The following TLR2 variants were observed in gnomAD, a reference collection of about 807,000 sequenced individuals.
TLR2 encodes toll-like receptor 2.
A neutral mutation model predicts 9.1 loss-of-function variants in TLR2; 7 were observed. The observed-to-expected ratio is 0.77, with a 90% CI of 0.44 to 1.44. The LOEUF (loss-of-function observed/expected upper bound fraction) is 1.44, where lower values mean the gene tolerates loss of function less well. TLR2 is among the 40% of genes most tolerant of loss of function. The pLI is 0.01. For synonymous variants in TLR2, 317 were observed against 344.6 expected (o/e 0.92, Z 0.89); for missense variants, 812 against 904.6 (o/e 0.90, Z 1.31).
At chr4:153,699,616 A>C (rs1736743208) in intron 2 of TLR2, among the ~76,000 whole-genome samples, 2 of 152,204 alleles carry the variant, frequency 1.3e-5, no homozygotes, top group Non-Finnish European at 2.9e-5. Context: ...GTTGGTTTGT[A>C]GTGGGGCAGG....
downstream of TLR2, among the ~76,000 whole-genome samples, chr4:153,708,394 A>G (rs1737399229): frequency 1.3e-5 from 2 of 152,236 alleles, no homozygotes; most frequent in Non-Finnish European, 2.9e-5. Flanking sequence ...ATAGACTATA[A>G]GCTCAAGAAT....
At chr4:153,693,410 T>G (rs2127029685) in intron 2 of TLR2, among the ~76,000 whole-genome samples, 1 of 152,310 alleles carries the variant, frequency 6.6e-6, no homozygotes, top group Non-Finnish European at 1.5e-5. Flanking sequence ...ACGGGGTATA[T>G]TCTAACAGGG....
intron 1 of TLR2, among the ~76,000 whole-genome samples, chr4:153,684,952 C>T (rs912419951): frequency 2.0e-5 from 3 of 152,316 alleles, no homozygotes; most frequent in Admixed American, 1.3e-4. Flanking sequence ...AGGCTTTCAA[C>T]GAGCTAGCGT....
At chr4:153,696,413 T>C (rs978335544) in intron 2 of TLR2, among the ~76,000 whole-genome samples, 1 of 152,198 alleles carries the variant, frequency 6.6e-6, no homozygotes, top group African/African-American at 2.4e-5. Flanking sequence ...TGTAGAGATC[T>C]TTTACTCCTT....
In TLR2 at chr4:153,703,834, G is replaced by A. The variant is rs370928242; in HGVS notation, c.927G>A (p.Val309=). Residue 309 remains valine, a synonymous_variant, in exon 3 of 3, where the codon GTG becomes GTA. Transcript: ENST00000642700. ...DNDRVIDPGK[V]ETLTIRRLHI... is the part of the protein sequence containing the mutation. ...ACAGAGTTATAGATCCAGGTAAAGT[G>A]GAAACGTTAACAATCCGGAGGCTGC... The A allele has an allele frequency of 1.7e-4, 273 of 1,613,852 alleles. 1 individual carries two copies. Among genetic ancestry groups the A allele is most frequent in the Admixed American group, 2.8e-4 (17 of 59,988 alleles).
intron 1 of TLR2, among the ~76,000 whole-genome samples, 198 bp downstream of exon 1, chr4:153,684,558 C>G (rs926138682): frequency 1.3e-5 from 2 of 152,338 alleles, no homozygotes; most frequent in East Asian, 1.9e-4. Context: ...GCCGGTGCTT[C>G]TTTGCACGGC....
At chr4:153,690,200 G>C (rs2127019163) in intron 2 of TLR2, among the ~76,000 whole-genome samples, 1 of 152,324 alleles carries the variant, frequency 6.6e-6, no homozygotes, top group South Asian at 2.1e-4. Context: ...GCTGCTGATA[G>C]CATCTGGCCT....
At chr4:153,710,610 T>C (rs1368552997), downstream of TLR2, 2 of 961,504 alleles carry the variant, frequency 2.1e-6, no homozygotes, top group East Asian at 2.7e-5. Flanking sequence ...GTTAATTCTA[T>C]GTGCTCAATT....
chr4:153,710,247 G>C, downstream of TLR2: 1 of 727,232 alleles, frequency 1.4e-6, no homozygotes, highest in Non-Finnish European at 2.1e-6. Flanking sequence ...CAAATTGCTT[G>C]ACAACAAAGT....
chr4:153,698,036 G>A (rs149693128), intron 2 of TLR2, among the ~76,000 whole-genome samples: 6 of 152,056 alleles, frequency 3.9e-5, no homozygotes, highest in African/African-American at 1.4e-4. Flanking sequence ...GGTACTTTCC[G>A]GAACACTGTG....
chr4:153,691,780 T>C lies in TLR2; in HGVS notation c.-17+3733T>C, dbSNP rs1251585267. Among the ~76,000 whole-genome samples, 3 of 152,196 alleles carry C rather than the reference T, an allele frequency of 2.0e-5. 1 individual carries two copies. In the East Asian group the frequency reaches 5.8e-4, roughly 29 times the overall value. ...TTGAAAGTCATTTAATGTTTTCAAT[T>C]GATCCCTACGTATAGTTACTTTCTG... is the stretch of plus-strand genomic sequence containing the variant. On this transcript the variant is annotated intron_variant, in intron 2 of 2. Coordinates refer to ENST00000642700, the MANE Select transcript of TLR2 (RefSeq NM_001318789.2).
chr4:153,694,449 C>T (rs1736347500), intron 2 of TLR2, among the ~76,000 whole-genome samples: 2 of 152,198 alleles, frequency 1.3e-5, no homozygotes, highest in Admixed American at 1.3e-4. Flanking sequence ...AGAAAAGCTG[C>T]TTAAGGCAAA....
At chr4:153,702,714 T>A (rs1027804433) in intron 2 of TLR2, 178 bp from the exon 3 acceptor site, 4 of 608,348 alleles carry the variant, frequency 6.6e-6, no homozygotes, top group Non-Finnish European at 1.1e-5. Flanking sequence ...TTCATTTTTT[T>A]ATCCCCATTC....
chr4:153,689,399 G>T (rs956893384), intron 2 of TLR2, among the ~76,000 whole-genome samples: 1 of 152,200 alleles, frequency 6.6e-6, no homozygotes, highest in African/African-American at 2.4e-5. Context: ...GCTAAACATA[G>T]TGTGGCCATG....
rs1031407701 is a variant in TLR2, at chr4:153,705,245, G to T, written c.2338G>T (p.Ala780Ser). ...QREGFWVNLRAAIKS is the reference protein window; with the variant it reads ...QREGFWVNLRSAIKS ...GGAAGGATTTTGGGTAAATCTGAGAGCTGCGATAAAGTCCTAGGTTCCCAT... is the reference window on the plus strand; with the variant it reads ...GGAAGGATTTTGGGTAAATCTGAGATCTGCGATAAAGTCCTAGGTTCCCAT... The change falls in exon 3 of 3, where the codon GCT (alanine) becomes TCT (serine). Residue 780 changes from alanine to serine, a missense_variant. Coordinates refer to ENST00000642700, the MANE Select transcript of TLR2 (RefSeq NM_001318789.2). 3.8e-6 allele frequency: 6 copies of T among 1,587,848 alleles called. No individual in the cohort carries two copies. In the African/African-American group the frequency reaches 6.8e-5, roughly 18 times the overall value.
At chr4:153,701,034 ATATCTT>A (rs1172888459) in intron 2 of TLR2, among the ~76,000 whole-genome samples, 1 of 152,220 alleles carries the variant, frequency 6.6e-6, no homozygotes, top group Non-Finnish European at 1.5e-5. Context: ...AACAAAGAGA[ATATCTT>A]TATGAAAATA....
chr4:153,689,069 T>C (rs1397616059), intron 2 of TLR2, among the ~76,000 whole-genome samples: 1 of 152,236 alleles, frequency 6.6e-6, no homozygotes, highest in Non-Finnish European at 1.5e-5. Flanking sequence ...TCACTGCTAA[T>C]CTGTCTGCAG....
At chr4:153,696,175 G>A (rs1386189025) in intron 2 of TLR2, among the ~76,000 whole-genome samples, 1 of 152,028 alleles carries the variant, frequency 6.6e-6, no homozygotes, top group African/African-American at 2.4e-5. Context: ...GTGGTTTCAT[G>A]TAAATTTTAG....
At chr4:153,692,808 T>C (rs1413610376) in intron 2 of TLR2, among the ~76,000 whole-genome samples, 2 of 152,218 alleles carry the variant, frequency 1.3e-5, no homozygotes, top group Non-Finnish European at 2.9e-5. Context: ...TATAACTACT[T>C]TGATATACTT....
Sources: allele counts gnomAD v4.1 joint callset (sites outside exome capture counted in the v4.1 genomes callset), GRCh38; gene constraint gnomAD v4.1.1; transcripts MANE v1.5; gene names NCBI Gene and HGNC (gene_info 2026-07-23, HGNC 2026-07-21).